TMEM132C: variants seen among roughly 807,000 people sequenced by gnomAD.
TMEM132C encodes protein phosphatase 1, regulatory subunit 152.
A neutral mutation model predicts 61.4 loss-of-function variants in TMEM132C; 29 were observed. The observed-to-expected ratio is 0.47, with a 90% CI of 0.35 to 0.64. TMEM132C has a LOEUF of 0.64. Among genes scored for constraint, TMEM132C ranks in the 30% least tolerant of loss-of-function variants. The pLI is 0.00. For synonymous variants in TMEM132C, 656 were observed against 633.1 expected, an observed-to-expected ratio of 1.04 and a Z score of -0.54; for missense variants, 1,408 against 1,476.9, an observed-to-expected ratio of 0.95 and a Z score of 0.76.
intron 2 of TMEM132C, among the ~76,000 whole-genome samples, chr12:128,464,822 A>G (rs1410761832): frequency 1.5e-5 from 2 of 137,202 alleles, no homozygotes; most frequent in Admixed American, 7.2e-5. Flanking sequence ...GGAAGAAAAT[A>G]AATAGAATAC....
At chr12:128,450,740 C>T (rs903518730) in intron 2 of TMEM132C, among the ~76,000 whole-genome samples, 1 of 152,138 alleles carries the variant, frequency 6.6e-6, no homozygotes, top group East Asian at 1.9e-4. Flanking sequence ...AGTTGGTTCT[C>T]AAATATAGCA....
At chr12:128,609,065 GTGGCCAGATCTCAGCTCACTGCAACAC>G (rs1425542310) in intron 3 of TMEM132C, among the ~76,000 whole-genome samples, 1 of 151,970 alleles carries the variant, frequency 6.6e-6, no homozygotes, top group African/African-American at 2.4e-5. Context: ...CTGCAGTGCA[GTGGCCAGATCTCAGCTCACTGCAACAC>G]TGTAACCTCT....
At chr12:128,395,431 A>G (rs1874915842) in intron 1 of TMEM132C, among the ~76,000 whole-genome samples, 1 of 152,302 alleles carries the variant, frequency 6.6e-6, no homozygotes, top group South Asian at 2.1e-4. Flanking sequence ...CAATGTGCCC[A>G]GTTAAAAACA....
At chr12:128,498,712 T>C (rs1376630937) in intron 2 of TMEM132C, among the ~76,000 whole-genome samples, 1 of 152,102 alleles carries the variant, frequency 6.6e-6, no homozygotes, top group African/African-American at 2.4e-5. Context: ...AAGCATTGCA[T>C]TTCTATACAG....
At position 128,278,506 on chromosome 12, in the gene TMEM132C, CA is replaced by C. The variant is rs1174083731; in HGVS notation, c.85+11020del. Among the ~76,000 whole-genome samples, 1 of 152,136 alleles carries C rather than the reference CA, an allele frequency of 6.6e-6. No individual in the cohort carries two copies. Among genetic ancestry groups the C allele is most frequent in the Non-Finnish European group, 1.5e-5 (1 of 68,030 alleles). ...CTGGCCATGTCCTGGCCCTTGACCC[CA>C]GCCTGTCTCCCTGCGGCACCGATGC... On this transcript the variant is annotated intron_variant, in intron 1 of 8. Transcript: ENST00000435159. This position sits in a 1 kb window ranked among gnomAD's most constrained non-coding sequence, Gnocchi z 4.2.
intron 2 of TMEM132C, among the ~76,000 whole-genome samples, chr12:128,437,477 C>G (rs1264322658): frequency 6.6e-6 from 1 of 152,164 alleles, no homozygotes; most frequent in Non-Finnish European, 1.5e-5. Flanking sequence ...AAGATGGCCA[C>G]TACCACCACC....
At chr12:128,459,620 G>A (rs1006860257) in intron 2 of TMEM132C, among the ~76,000 whole-genome samples, 8 of 152,086 alleles carry the variant, frequency 5.3e-5, no homozygotes, top group Admixed American at 2.0e-4. Context: ...GGCCAGGCGC[G>A]GTGGCTCACA....
At chr12:128,606,620 T>C (rs1487792583) in intron 3 of TMEM132C, among the ~76,000 whole-genome samples, 1 of 152,164 alleles carries the variant, frequency 6.6e-6, no homozygotes, top group Non-Finnish European at 1.5e-5. Context: ...TGCCCCTAAA[T>C]GTGGCAGAGG....
At chr12:128,472,055 T>C (rs1008403750) in intron 2 of TMEM132C, among the ~76,000 whole-genome samples, 1 of 152,172 alleles carries the variant, frequency 6.6e-6, no homozygotes, top group African/African-American at 2.4e-5. Context: ...CTCCTCATAC[T>C]CATGGTGCTT....
intron 1 of TMEM132C, among the ~76,000 whole-genome samples, chr12:128,403,977 G>T (rs929705269): frequency 2.6e-5 from 4 of 152,118 alleles, no homozygotes; most frequent in African/African-American, 9.7e-5. Flanking sequence ...ATTTGTGGTG[G>T]GGGCACTGTC....
chr12:128,628,742 G>C (rs950215681), intron 4 of TMEM132C, among the ~76,000 whole-genome samples: 2 of 152,174 alleles, frequency 1.3e-5, no homozygotes, highest in Admixed American at 1.3e-4. Flanking sequence ...GGAGGCGAGG[G>C]ACTCTGATCT....
At chr12:128,446,547 A>T (rs887040121) in intron 2 of TMEM132C, among the ~76,000 whole-genome samples, 8 of 152,198 alleles carry the variant, frequency 5.3e-5, no homozygotes, top group Non-Finnish European at 1.2e-4. Context: ...CAGTTCTTTA[A>T]TCAACTATTT....
At chr12:128,350,247 A>G (rs1683738) in intron 1 of TMEM132C, among the ~76,000 whole-genome samples, 146,325 of 152,230 alleles carry the variant, frequency 0.96, 70,337 homozygotes, top group East Asian at 1. Flanking sequence ...AGAGAGGGGT[A>G]GCCAGAAATC....
intron 1 of TMEM132C, among the ~76,000 whole-genome samples, chr12:128,358,210 T>C (rs1404402923): frequency 6.6e-6 from 1 of 152,116 alleles, no homozygotes; most frequent in Non-Finnish European, 1.5e-5. Flanking sequence ...CCTCAGGCTG[T>C]GGCTACTCAG....
intron 1 of TMEM132C, among the ~76,000 whole-genome samples, chr12:128,310,281 G>C (rs1871925485): frequency 6.6e-6 from 1 of 152,178 alleles, no homozygotes; most frequent in Non-Finnish European, 1.5e-5. Flanking sequence ...TGGATTGGTG[G>C]CTACCAGAGG....
At chr12:128,340,853 C>T (rs945670458) in intron 1 of TMEM132C, among the ~76,000 whole-genome samples, 20 of 133,742 alleles carry the variant, frequency 1.5e-4, no homozygotes, top group African/African-American at 3.9e-4. Flanking sequence ...TTCTCTCTTT[C>T]TTTCTTCCTT....
At chr12:128,312,437 C>G (rs1410385704) in intron 1 of TMEM132C, among the ~76,000 whole-genome samples, 1 of 152,132 alleles carries the variant, frequency 6.6e-6, no homozygotes, top group Admixed American at 6.5e-5. Flanking sequence ...TCCTGTGTAG[C>G]TGGGTCTACA....
chr12:128,557,751 G>C (rs1210854302), intron 3 of TMEM132C, among the ~76,000 whole-genome samples: 1 of 152,234 alleles, frequency 6.6e-6, no homozygotes, highest in Non-Finnish European at 1.5e-5. Context: ...TGTTATTGAG[G>C]CTCCTTCTCA....
chr12:128,699,269 C>T (rs764145188), intron 8 of TMEM132C, among the ~76,000 whole-genome samples: 7 of 152,174 alleles, frequency 4.6e-5, no homozygotes, highest in African/African-American at 9.6e-5. Context: ...GAAAATGGCA[C>T]GCACTTATTG....
Sources: allele counts gnomAD v4.1 joint callset (sites outside exome capture counted in the v4.1 genomes callset), GRCh38; gene constraint gnomAD v4.1.1; non-coding constraint Gnocchi (gnomAD v3.1); transcripts MANE v1.5; gene names NCBI Gene and HGNC (gene_info 2026-07-23, HGNC 2026-07-21).